RIMS2: variants seen among roughly 807,000 people sequenced by gnomAD.
The protein encoded by RIMS2 is regulating synaptic membrane exocytosis 2, also known as regulating synaptic membrane exocytosis protein 2.
Under a neutral mutation model 174.4 loss-of-function variants are expected in RIMS2, and 59 were observed. The observed-to-expected ratio is 0.34, with a 90% CI of 0.27 to 0.42. The LOEUF (loss-of-function observed/expected upper bound fraction) is 0.42. RIMS2 is among the 10% of genes least tolerant of loss of function. RIMS2 has a pLI of 1.00. For missense variants in RIMS2, 1,620 were observed against 1,666.3 expected (o/e 0.97, Z 0.48); for synonymous variants, 606 against 572.5 (o/e 1.06, Z -0.84).
intron 3 of RIMS2, among the ~76,000 whole-genome samples, chr8:103,785,400 G>C (rs1023198808): frequency 2.1e-4 from 32 of 151,260 alleles, no homozygotes; most frequent in Non-Finnish European, 3.7e-4. Context: ...GATATTGGCT[G>C]TGGGTTTGTC....
chr8:103,614,548 G>C (rs754997475), intron 1 of RIMS2, among the ~76,000 whole-genome samples: 1 of 152,188 alleles, frequency 6.6e-6, no homozygotes, highest in Admixed American at 6.5e-5. Flanking sequence ...TGTGTGTGCC[G>C]ATCATTGTTG....
At chr8:103,815,647 C>T (rs950318811) in intron 3 of RIMS2, among the ~76,000 whole-genome samples, 2 of 152,086 alleles carry the variant, frequency 1.3e-5, no homozygotes, top group African/African-American at 4.8e-5. Flanking sequence ...TAATCATAAG[C>T]CCTACATCCT....
intron 19 of RIMS2, among the ~76,000 whole-genome samples, chr8:104,090,755 C>A (rs1022293703): frequency 1.1e-4 from 17 of 151,624 alleles, no homozygotes; most frequent in African/African-American, 3.9e-4. Flanking sequence ...TACTAGGAGT[C>A]AGTGGTAAAG....
chr8:103,717,674 CATAAT>C (rs1416332711), intron 2 of RIMS2, among the ~76,000 whole-genome samples: 1 of 152,120 alleles, frequency 6.6e-6, no homozygotes, highest in East Asian at 1.9e-4. Context: ...GATAAGATTT[CATAAT>C]ATAACAGTCT....
chr8:103,839,380 C>T (rs969514663), intron 3 of RIMS2, among the ~76,000 whole-genome samples: 5 of 152,116 alleles, frequency 3.3e-5, no homozygotes, highest in South Asian at 2.1e-4. Context: ...TGTCAGGCAG[C>T]TAAATTAAGG....
chr8:103,812,331 G>GTTTTTTTTTTTTTTTTTTTTTTTT (rs71575985), intron 3 of RIMS2, among the ~76,000 whole-genome samples: 20 of 111,606 alleles, frequency 1.8e-4, no homozygotes, highest in East Asian at 4.3e-4. Context: ...TTATTACCTT[G>GTTTTTTTTTTTTTTTTTTTTTTTT]TTTTTTTTTT....
chr8:103,818,917 GA>G (rs1237024108), intron 3 of RIMS2, among the ~76,000 whole-genome samples: 1 of 152,086 alleles, frequency 6.6e-6, no homozygotes, highest in Non-Finnish European at 1.5e-5. Context: ...ATCAAAAGAA[GA>G]ATATACCACT....
intron 1 of RIMS2, among the ~76,000 whole-genome samples, chr8:103,568,158 C>T (rs761368838): frequency 6.6e-5 from 10 of 151,832 alleles, no homozygotes; most frequent in Non-Finnish European, 1.3e-4. Context: ...TTTAGCTGGG[C>T]TTGGTGGTGT....
intron 19 of RIMS2, among the ~76,000 whole-genome samples, chr8:104,161,815 T>C (rs1407795901): frequency 6.6e-6 from 1 of 152,204 alleles, no homozygotes; most frequent in African/African-American, 2.4e-5. Flanking sequence ...ATTTCCAAGG[T>C]CATTCAGTTG....
chr8:103,828,272 A>G (rs2388784), intron 3 of RIMS2, among the ~76,000 whole-genome samples: 25,047 of 152,162 alleles, frequency 0.16, 3,138 homozygotes, highest in East Asian at 0.61. Context: ...GGTGTTATTT[A>G]TCCCTTAAAT....
chr8:103,774,674 A>G (rs2098293186), intron 3 of RIMS2, among the ~76,000 whole-genome samples: 2 of 152,214 alleles, frequency 1.3e-5, no homozygotes, highest in Non-Finnish European at 1.5e-5. Context: ...GCTAGACACA[A>G]AAGAGTACAT....
chr8:104,125,724 A>G (rs780931181), intron 19 of RIMS2, among the ~76,000 whole-genome samples: 21 of 152,176 alleles, frequency 1.4e-4, no homozygotes, highest in Non-Finnish European at 2.9e-4. Context: ...TTTGAAAACA[A>G]ATAAGAATTG....
intron 15 of RIMS2, among the ~76,000 whole-genome samples, chr8:103,966,105 CTT>C (rs1263684568): frequency 6.6e-6 from 1 of 151,920 alleles, no homozygotes; most frequent in Non-Finnish European, 1.5e-5. Flanking sequence ...CTTTTAATGT[CTT>C]TGTCTGGTTT....
chr8:104,195,862 A>G (rs1391615556), intron 19 of RIMS2, among the ~76,000 whole-genome samples: 1 of 152,158 alleles, frequency 6.6e-6, no homozygotes, highest in Non-Finnish European at 1.5e-5. Flanking sequence ...TTAAATTGAC[A>G]TGAGACAGAT....
intron 2 of RIMS2, among the ~76,000 whole-genome samples, chr8:103,757,636 A>G (rs991161901): frequency 1.3e-5 from 2 of 152,204 alleles, no homozygotes; most frequent in Non-Finnish European, 2.9e-5. Context: ...GTTATCTTAT[A>G]TGGCCCCCAA....
chr8:103,620,082 ATACTT>A (rs576655918), intron 1 of RIMS2, among the ~76,000 whole-genome samples: 604 of 152,284 alleles, frequency 4.0e-3, no homozygotes, highest in Non-Finnish European at 6.9e-3. Context: ...ATGAGCCACT[ATACTT>A]ATGAATAATA....
chr8:104,247,704 G>A (rs187405591), intron 20 of RIMS2, among the ~76,000 whole-genome samples: 7 of 152,266 alleles, frequency 4.6e-5, no homozygotes, highest in Admixed American at 2.0e-4. Context: ...GTTTGCAGTC[G>A]GGGGACAGGA....
intron 3 of RIMS2, among the ~76,000 whole-genome samples, chr8:103,839,676 T>G (rs888565117): frequency 6.6e-6 from 1 of 152,194 alleles, no homozygotes; most frequent in Non-Finnish European, 1.5e-5. Flanking sequence ...AGCCTGCATA[T>G]GTACTGCTTA....
intron 1 of RIMS2, among the ~76,000 whole-genome samples, chr8:103,614,980 A>G (rs1268581374): frequency 6.6e-6 from 1 of 152,208 alleles, no homozygotes; most frequent in Non-Finnish European, 1.5e-5. Flanking sequence ...TTTCTATCTC[A>G]TTACATTTCT....
Sources: allele counts gnomAD v4.1 joint callset (sites outside exome capture counted in the v4.1 genomes callset), GRCh38; gene constraint gnomAD v4.1.1; transcripts MANE v1.5; gene names NCBI Gene and HGNC (gene_info 2026-07-23, HGNC 2026-07-21).